GSE1: variants seen among roughly 807,000 people sequenced by gnomAD.
The protein encoded by GSE1 is genetic suppressor element 1.
In GSE1, 32 loss-of-function variants were observed where a neutral mutation model predicts 112.6. The observed-to-expected ratio is 0.28, with a 90% CI of 0.21 to 0.38. The LOEUF (loss-of-function observed/expected upper bound fraction) is 0.38. GSE1 is among the 10% of genes least tolerant of loss of function. GSE1 has a pLI of 1.00. For missense variants in GSE1, 2,348 were observed against 1,699.2 expected (o/e 1.38, Z -6.71); for synonymous variants, 1,115 against 735.6 (o/e 1.52, Z -8.35).
chr16:85,640,458 C>T (rs2050349143), intron 2 of GSE1, among the ~76,000 whole-genome samples: 1 of 152,214 alleles, frequency 6.6e-6, no homozygotes, highest in African/African-American at 2.4e-5. Context: ...CCCTGTGCCG[C>T]CTTCCCCTGG....
intron 1 of GSE1, among the ~76,000 whole-genome samples, chr16:85,193,003 G>C (rs887826156): frequency 1.3e-5 from 2 of 152,194 alleles, no homozygotes; most frequent in Non-Finnish European, 2.9e-5. Context: ...GGGGCTGGGA[G>C]CCTGCTAGGA....
Position 85,654,403 on chromosome 16 carries a change from C to T in GSE1, c.552C>T (p.Gly184=). ...TGCTCAGCACCCCCTACCCCTTCGGCCTCTCCCCCAGCTCAGTTGTGCAGG... is the reference window on the plus strand; with the variant it reads ...TGCTCAGCACCCCCTACCCCTTCGGTCTCTCCCCCAGCTCAGTTGTGCAGG... ...SHLLSTPYPF[G]LSPSSVVQDS... The change falls in exon 4 of 16, where the codon GGC becomes GGT. Residue 184 remains glycine (G), a synonymous_variant. Transcript: ENST00000253458. 3 of 1,599,788 alleles carry T rather than the reference C, an allele frequency of 1.9e-6. No individual in the cohort carries two copies. Among genetic ancestry groups the T allele is most frequent in the South Asian group, 1.1e-5 (1 of 89,442 alleles).
intron 2 of GSE1, among the ~76,000 whole-genome samples, chr16:85,436,354 G>GATCCTGGCCCAGCCC: frequency 6.6e-6 from 1 of 152,194 alleles, no homozygotes; most frequent in Non-Finnish European, 1.5e-5. Context: ...GGCCACTGTG[G>GATCCTGGCCCAGCCC]ATCCTGGCCC....
At position 85,248,548 on chromosome 16, in the gene GSE1, C is replaced by T. The variant is rs915004491; in HGVS notation, c.2283+76741C>T. On this transcript the variant is annotated intron_variant, in intron 1 of 2. Coordinates refer to the GSE1 transcript ENST00000637419. ...TCTCTCTCTCTCTCTCTCTGAGCAG[C>T]TGTTACCTAATAGGCTGTTAATGAT... Among the ~76,000 whole-genome samples the T allele has an allele frequency of 3.9e-4, 60 of 152,076 alleles. 1 individual carries two copies. The highest frequency in any genetic ancestry group is 2.1e-4 in the South Asian group (1 of 4,808).
At chr16:85,621,477 C>T (rs1025938391) in intron 1 of GSE1, among the ~76,000 whole-genome samples, 1 of 152,200 alleles carries the variant, frequency 6.6e-6, no homozygotes. Flanking sequence ...CGTTTTACAA[C>T]GTGTTGTTTC....
At chr16:85,475,481 G>A (rs1444034167) in intron 2 of GSE1, among the ~76,000 whole-genome samples, 2 of 152,256 alleles carry the variant, frequency 1.3e-5, no homozygotes, top group Non-Finnish European at 2.9e-5. Flanking sequence ...TGGCCATGCC[G>A]AGGTGGAGAT....
At chr16:85,334,534 G>A (rs2046442825) in intron 1 of GSE1, among the ~76,000 whole-genome samples, 1 of 152,230 alleles carries the variant, frequency 6.6e-6, no homozygotes, top group Non-Finnish European at 1.5e-5. Flanking sequence ...CATCCTTGAA[G>A]GACCTGGTGT....
chr16:85,357,595 T>C (rs1422117745), exon 2 of GSE1: 2 of 1,288,886 alleles, frequency 1.6e-6, no homozygotes. Flanking sequence ...GCCAGCACAG[T>C]GTCTGCAGAG....
intron 2 of GSE1, among the ~76,000 whole-genome samples, chr16:85,519,200 T>C (rs1354995872): frequency 1.3e-5 from 2 of 151,934 alleles, no homozygotes; most frequent in Non-Finnish European, 1.5e-5. Flanking sequence ...ATGACCCTCA[T>C]CATCATCACC....
intron 1 of GSE1, among the ~76,000 whole-genome samples, chr16:85,174,568 G>T (rs1015573195): frequency 6.6e-6 from 1 of 152,190 alleles, no homozygotes; most frequent in Non-Finnish European, 1.5e-5. Flanking sequence ...TTTATGGAGC[G>T]CCAGCTCTGA....
chr16:85,455,405 A>AGAGAG lies in GSE1; in HGVS notation c.2464+97762_2464+97763insGAGAG, dbSNP rs539644082. On this transcript the variant is annotated intron_variant, in intron 2 of 2. Transcript: ENST00000637419. ...AAAGAGAGAGAGAGAGAGAGAGAGA[A>AGAGAG]AGAAAGAAAAGAAAAGAAAAGAAAA... Among the ~76,000 whole-genome samples, 143 of 150,884 alleles carry AGAGAG rather than the reference A, an allele frequency of 9.5e-4. 1 individual carries two copies. Among genetic ancestry groups the AGAGAG allele is most frequent in the African/African-American group, 3.2e-3 (129 of 40,760 alleles).
intron 1 of GSE1, among the ~76,000 whole-genome samples, chr16:85,615,673 G>A (rs1271759836): frequency 6.6e-6 from 1 of 152,218 alleles, no homozygotes; most frequent in African/African-American, 2.4e-5. Flanking sequence ...AGGCAACAAG[G>A]TGTCCACTGT....
At chr16:85,231,418 GGA>G (rs1904285150) in intron 1 of GSE1, among the ~76,000 whole-genome samples, 1 of 150,354 alleles carries the variant, frequency 6.7e-6, no homozygotes, top group East Asian at 2.0e-4. Context: ...AGGGATGGAT[GGA>G]TGGATGGATG....
chr16:85,536,063 A>G (rs1296034910), intron 2 of GSE1, among the ~76,000 whole-genome samples: 1 of 152,254 alleles, frequency 6.6e-6, no homozygotes, highest in Admixed American at 6.5e-5. Context: ...AAGCAGACCC[A>G]GAAGGCCACG....
intron 2 of GSE1, among the ~76,000 whole-genome samples, chr16:85,646,408 G>C (rs1037856561): frequency 1.3e-5 from 2 of 152,258 alleles, no homozygotes; most frequent in Non-Finnish European, 2.9e-5. Flanking sequence ...GTGACACGGG[G>C]TCTGGGTGCC....
intron 2 of GSE1, among the ~76,000 whole-genome samples, chr16:85,413,047 G>A (rs1352762076): frequency 2.6e-5 from 4 of 152,224 alleles, no homozygotes; most frequent in African/African-American, 9.6e-5. Context: ...GTTCCGTGCT[G>A]CTGCTGGAGG....
intron 2 of GSE1, among the ~76,000 whole-genome samples, chr16:85,484,695 C>T (rs188934738): frequency 4.6e-5 from 7 of 152,346 alleles, no homozygotes; most frequent in Admixed American, 2.0e-4. Flanking sequence ...CAGTAACCTC[C>T]TTCAATTGCA....
intron 2 of GSE1, among the ~76,000 whole-genome samples, chr16:85,511,016 C>T (rs1008895073): frequency 3.9e-5 from 6 of 152,208 alleles, no homozygotes; most frequent in African/African-American, 4.8e-5. Context: ...TTTAATAGCA[C>T]GTACCCGTAA....
intron 2 of GSE1, among the ~76,000 whole-genome samples, chr16:85,635,419 G>A (rs2049910960): frequency 6.6e-6 from 1 of 152,196 alleles, no homozygotes; most frequent in Non-Finnish European, 1.5e-5. Flanking sequence ...AGGTTGCATG[G>A]GCCCCACCTG....
Sources: gnomAD v4.1 joint callset for allele counts (sites outside exome capture counted in the v4.1 genomes callset) on GRCh38, gnomAD v4.1.1 for gene constraint, MANE v1.5 for transcripts, NCBI Gene and HGNC (gene_info 2026-07-23, HGNC 2026-07-21) for gene names.